The following THOP1 variants were observed in gnomAD, a reference collection of about 807,000 sequenced individuals.
THOP1 encodes the protein thimet oligopeptidase.
A neutral mutation model predicts 71.8 loss-of-function variants in THOP1; 49 were observed. The observed-to-expected ratio is 0.68, with a 90% CI of 0.54 to 0.87. The LOEUF is 0.87. Ranked by LOEUF, THOP1 falls within the 40% of genes least tolerant of loss-of-function variation. The probability of loss-of-function intolerance (pLI) is 0.00; values close to 1 mark genes in which losing one functional copy is unlikely to be tolerated. For missense variants in THOP1, 843 were observed against 975.6 expected (o/e 0.86, Z 1.81); for synonymous variants, 426 against 421.5 (o/e 1.01, Z -0.13).
intron 4 of THOP1, 112 bp downstream of exon 4, chr19:2,796,300 A>G: frequency 1.2e-6 from 1 of 827,682 alleles, no homozygotes; most frequent in Non-Finnish European, 1.9e-6. Flanking sequence ...AGCGCAGGGC[A>G]GGGGGAGTGC....
At chr19:2,795,984 G>GGGGGCCGGATGATC in intron 3 of THOP1, 97 bp from the exon 4 acceptor site, 2 of 884,980 alleles carry the variant, frequency 2.3e-6, no homozygotes, top group Non-Finnish European at 3.6e-6. Flanking sequence ...CAAGTCACAC[G>GGGGGCCGGATGATC]GGGGCCGGAT....
chr19:2,785,970 C>T (rs1203088501), intron 1 of THOP1, among the ~76,000 whole-genome samples: 1 of 152,202 alleles, frequency 6.6e-6, no homozygotes, highest in Non-Finnish European at 1.5e-5. Context: ...TCCCGTTTTC[C>T]TGGAATTCTA....
chr19:2,794,203 T>C (rs1282874288), intron 2 of THOP1, among the ~76,000 whole-genome samples: 9 of 151,692 alleles, frequency 5.9e-5, no homozygotes. Flanking sequence ...TTAGTAGAGA[T>C]GGGGTTTCAC....
intron 8 of THOP1, 82 bp from the exon 9 acceptor site, chr19:2,808,161 C>G: frequency 1.4e-6 from 2 of 1,451,078 alleles, no homozygotes; most frequent in African/African-American, 2.8e-5. Context: ...GGTTAGCAGT[C>G]AGGTGGGCTG....
Position 2,807,622 on chromosome 19 carries a change from T to TA in THOP1, c.1067_1068insA (p.Lys357GlnfsTer36). ...CGCTACTGCGTGGACCAGAACCTGC[T>TA]CAAGGAGTACTTCCCCGTGCAGGTG... is the stretch of plus-strand genomic sequence containing the variant. On this transcript the variant is annotated frameshift_variant, in exon 8 of 13. Transcript: ENST00000307741. LOFTEE classifies it high-confidence loss of function. 6.2e-7 allele frequency: 1 copy of TA among 1,612,230 alleles called. No individual in the cohort carries two copies. The highest frequency in any genetic ancestry group is 8.5e-7 in the Non-Finnish European group (1 of 1,179,568).
At position 2,792,944 on chromosome 19, in the gene THOP1, G is replaced by A. The variant is rs572789674; in HGVS notation, c.230-1820G>A. Reference sequence around the variant, plus strand: ...TCATCCCAGCACTTTGGGAGGCCGAGGTGGGCGGATGACTTGAGGTCAGGA... The same window carrying A: ...TCATCCCAGCACTTTGGGAGGCCGAAGTGGGCGGATGACTTGAGGTCAGGA... On this transcript the variant is annotated intron_variant, in intron 2 of 12. Transcript: ENST00000307741. Among the ~76,000 whole-genome samples, 3 of 152,308 alleles carry A rather than the reference G, an allele frequency of 2.0e-5. No individual in the cohort carries two copies. The South Asian group carries it at 6.2e-4, about 32-fold the overall frequency.
chr19:2,793,749 A>G (rs1915941322), intron 2 of THOP1, among the ~76,000 whole-genome samples: 1 of 152,104 alleles, frequency 6.6e-6, no homozygotes, highest in South Asian at 2.1e-4. Flanking sequence ...CTTTCTCTGC[A>G]TGTGACATCA....
chr19:2,799,846 G>A lies in THOP1; in HGVS notation c.589+55G>A, dbSNP rs531763763. 4.5e-5 allele frequency: 68 copies of A among 1,499,388 alleles called. No individual in the cohort carries two copies. The South Asian group carries it at 4.8e-4, about 11-fold the overall frequency. 92.9% of individuals were successfully genotyped at this position (1,499,388 alleles called of 1,614,324 possible). On this transcript the variant is annotated intron_variant, in intron 5 of 12. Transcript: ENST00000307741. The stretch of plus-strand genomic sequence containing the variant: ...CCATCGGTCCTGGGACTCAGTGCAG[G>A]CCTGCCAGGCCCTCGGGGGCCGCCG...
chr19:2,798,443 C>T (rs1916068709), intron 4 of THOP1, among the ~76,000 whole-genome samples: 1 of 152,214 alleles, frequency 6.6e-6, no homozygotes, highest in Non-Finnish European at 1.5e-5. Flanking sequence ...GCAGAGGCAG[C>T]CCCGCCTGGA....
At position 2,805,756 on chromosome 19, in the gene THOP1, C is replaced by G. The variant is rs373086716; in HGVS notation, c.750+580C>G. Among the ~76,000 whole-genome samples, 58 of 152,198 alleles carry G rather than the reference C, an allele frequency of 3.8e-4. No individual in the cohort carries two copies. The East Asian group carries it at 9.5e-3, about 25-fold the overall frequency. ...TGACGACACCAAGTTGGTGCTTGTG[C>G]GGCTGGCAAAAGGGGGATACACGCT... On this transcript the variant is annotated intron_variant, in intron 6 of 12. Coordinates refer to ENST00000307741, the MANE Select transcript of THOP1 (RefSeq NM_003249.5). The surrounding 1 kb of genome is among the most constrained non-coding windows in gnomAD (Gnocchi z 6.6).
rs369308345 is a variant in THOP1, at chr19:2,805,194, G to C, written c.750+18G>C. The C allele has an allele frequency of 1.1e-5, 18 of 1,603,748 alleles. No homozygotes were observed. The highest frequency in any genetic ancestry group is 1.5e-5 in the Non-Finnish European group (18 of 1,175,374). On this transcript the variant is annotated intron_variant, in intron 6 of 12. Coordinates refer to ENST00000307741, the MANE Select transcript of THOP1 (RefSeq NM_003249.5). The surrounding 1 kb of genome is among the most constrained non-coding windows in gnomAD (Gnocchi z 6.6). ...GCAAGGAGGTGAGAAGGCACGGCCA[G>C]GGGGCCCCAGAACAGTGGGTCTGGA... is the stretch of plus-strand genomic sequence containing the variant.
Position 2,806,934 on chromosome 19 carries a change from CAAG to C in THOP1, c.769_771del (p.Lys257del), listed in dbSNP as rs1916306105. The C allele has an allele frequency of 6.2e-7, 1 of 1,613,048 alleles. No individual in the cohort carries two copies. The highest frequency in any genetic ancestry group is 1.1e-5 in the South Asian group (1 of 91,066). On this transcript the variant is annotated inframe_deletion, in exon 7 of 13. Coordinates refer to ENST00000307741, the MANE Select transcript of THOP1 (RefSeq NM_003249.5). ...GGTTGCAGGAGAACTGCGCTATCCT[CAAG>C]GAGCTGGTGACGCTGCGGGCCCAGA...
intron 3 of THOP1, 143 bp downstream of exon 3, chr19:2,795,055 C>G (rs1281012417): frequency 7.2e-6 from 7 of 972,988 alleles, no homozygotes; most frequent in Non-Finnish European, 1.0e-5. Context: ...AACTCCTGAC[C>G]TCAAGTGATC....
At chr19:2,808,081 C>G in intron 8 of THOP1, 162 bp from the exon 9 acceptor site, 2 of 904,378 alleles carry the variant, frequency 2.2e-6, no homozygotes, top group South Asian at 3.3e-5. Context: ...CCGTGGTTTT[C>G]ATGCTGCCCT....
rs1419577688 is a variant in THOP1, at chr19:2,805,544, T to C, written c.750+368T>C. ...TGTCTTAAATGATGGTGCCCGGACC[T>C]GAGCCTGGGTCCACAGGTGGGTTGT... On this transcript the variant is annotated intron_variant, in intron 6 of 12. Coordinates refer to ENST00000307741, the MANE Select transcript of THOP1 (RefSeq NM_003249.5). The surrounding 1 kb of genome is among the most constrained non-coding windows in gnomAD (Gnocchi z 6.6). Among the ~76,000 whole-genome samples, 2 of 152,228 alleles carry C rather than the reference T, an allele frequency of 1.3e-5. No individual in the cohort carries two copies. Among genetic ancestry groups the C allele is most frequent in the Admixed American group, 6.5e-5 (1 of 15,286 alleles).
Position 2,804,269 on chromosome 19 carries a change from G to C in THOP1, c.590-747G>C, listed in dbSNP as rs1599528188. On this transcript the variant is annotated intron_variant, in intron 5 of 12. Transcript: ENST00000307741. The surrounding 1 kb of genome is among the most constrained non-coding windows in gnomAD (Gnocchi z 4.7). ...TCTTGAGGCTGTCGGGCAGGGGCCA[G>C]GTGGGAGGGTGTGGCTGCCGGGCAG... is the stretch of plus-strand genomic sequence containing the variant. 6.6e-6 allele frequency among the ~76,000 whole-genome samples: 1 copy of C among 152,210 alleles called. No homozygotes were observed. The highest frequency in any genetic ancestry group is 1.9e-4 in the East Asian group (1 of 5,196).
Position 2,813,434 on chromosome 19 carries a change from C to A in THOP1, c.*158C>A. 1.1e-6 allele frequency: 1 copy of A among 941,316 alleles called. No individual in the cohort carries two copies. The highest frequency in any genetic ancestry group is 1.5e-6 in the Non-Finnish European group (1 of 659,690). 58.3% of individuals were successfully genotyped at this position (941,316 alleles called of 1,614,324 possible). A position where few individuals can be genotyped will look rare whatever the true frequency, so the allele number is the denominator to read the frequency against. On this transcript the variant is annotated 3_prime_UTR_variant, in exon 13 of 13. Coordinates refer to ENST00000307741, the MANE Select transcript of THOP1 (RefSeq NM_003249.5). ...TTGTCATTGTCTGTCCCCACCCGGT[C>A]GTGGCCCACCCGGCTAGAGACGGCG... is the stretch of plus-strand genomic sequence containing the variant.
intron 9 of THOP1, among the ~76,000 whole-genome samples, chr19:2,809,312 T>C (rs1318808861): frequency 1.3e-5 from 2 of 152,202 alleles, no homozygotes; most frequent in African/African-American, 4.8e-5. Context: ...AGGCACATCA[T>C]GGCCTCCTGG....
In THOP1 at chr19:2,807,750, G is replaced by C. The variant is rs370402164; in HGVS notation, c.1195G>C (p.Ala399Pro). ...AWHEDVRLYT[A>P]RDAASGEVVG... ...GCATGAGGACGTGCGGCTCTACACC[G>C]CGAGGGACGCGGCCTCGGGGGAGGT... The change falls in exon 8 of 13, where the codon GCG (alanine) becomes CCG (proline). Residue 399 changes from alanine to proline, a missense_variant. Physicochemically the swap from Ala to Pro is conservative, Grantham distance 27. Coordinates refer to ENST00000307741, the MANE Select transcript of THOP1 (RefSeq NM_003249.5). 3 of 1,562,338 alleles carry C rather than the reference G, an allele frequency of 1.9e-6. No homozygotes were observed. Among genetic ancestry groups the C allele is most frequent in the South Asian group, 2.4e-5 (2 of 85,096 alleles).
Sources: allele counts gnomAD v4.1 joint callset (sites outside exome capture counted in the v4.1 genomes callset), GRCh38; gene constraint gnomAD v4.1.1; non-coding constraint Gnocchi (gnomAD v3.1); transcripts MANE v1.5; gene names NCBI Gene and HGNC (gene_info 2026-07-23, HGNC 2026-07-21).